The following XIAP variants were observed in gnomAD, a reference collection of about 807,000 sequenced individuals.
XIAP encodes X-linked inhibitor of apoptosis, also known as E3 ubiquitin-protein ligase XIAP.
A neutral mutation model predicts 33.1 loss-of-function variants in XIAP; 3 were observed. That is an observed-to-expected ratio of 0.09 (90% CI 0.04 to 0.23). The LOEUF (loss-of-function observed/expected upper bound fraction) is 0.23, where lower values mean the gene tolerates loss of function less well. Among genes scored for constraint, XIAP ranks in the 10% least tolerant of loss-of-function variants. The probability of loss-of-function intolerance (pLI) is 1.00; values close to 1 mark genes in which losing one functional copy is unlikely to be tolerated. For synonymous variants in XIAP, 98 were observed against 121.3 expected (o/e 0.81, Z 1.26); for missense variants, 264 against 363.0 (o/e 0.73, Z 2.22).
At chrX:123,862,186 A>G (rs2053086628) in intron 1 of XIAP, among the ~76,000 whole-genome samples, 1 of 104,013 alleles carries the variant, frequency 9.6e-6, no homozygotes, top group African/African-American at 3.6e-5. Context: ...CAAGCTACTC[A>G]GCCTCCCCAG....
intron 3 of XIAP, 30 bp from the exon 4 acceptor site, chrX:123,891,208 C>T (rs1373149296): frequency 1.3e-6 from 1 of 754,244 alleles, no homozygotes; most frequent in South Asian, 2.3e-5. Flanking sequence ...AATTTATCAG[C>T]TACTAAAGTT....
At position 123,886,465 on chromosome X, in the gene XIAP, G is replaced by A. The variant is rs1431863732; in HGVS notation, c.803G>A (p.Arg268Gln). ...CCATCCATGGCAGATTATGAAGCAC[G>A]GATCTTTACTTTTGGGACATGGATA... ...RNPSMADYEA[R>Q]IFTFGTWIYS... Residue 268 changes from arginine (R) to glutamine (Q), a missense_variant, in exon 2 of 7, where the codon CGG becomes CAG. Arg to Gln is a conservative substitution (Grantham distance 43). Transcript: ENST00000371199. 8.3e-7 allele frequency: 1 copy of A among 1,207,216 alleles called. No individual in the cohort carries two copies. The highest frequency in any genetic ancestry group is 1.1e-6 in the Non-Finnish European group (1 of 895,289).
chrX:123,903,405 C>T (rs6648555), intron 6 of XIAP, among the ~76,000 whole-genome samples: 2 of 108,637 alleles, frequency 1.8e-5, no homozygotes, highest in Non-Finnish European at 3.8e-5. Context: ...TCAGGCCGGT[C>T]TCCAACTTCC....
chrX:123,912,102 A>C lies in XIAP; in HGVS notation c.*4921A>C. 4 of 328,177 alleles carry C rather than the reference A, an allele frequency of 1.2e-5. No homozygotes were observed. Among genetic ancestry groups the C allele is most frequent in the Non-Finnish European group, 2.4e-5 (4 of 169,597 alleles). 27.0% of individuals were successfully genotyped at this position (328,177 alleles called of 1,213,427 possible). A position where few individuals can be genotyped will look rare whatever the true frequency, so the allele number is the denominator to read the frequency against. On this transcript the variant is annotated 3_prime_UTR_variant, in exon 7 of 7. Coordinates refer to ENST00000371199, the MANE Select transcript of XIAP (RefSeq NM_001167.4). Reference sequence around the variant, plus strand: ...TACCATAACTTTCACTACATATTAAATGACACTTTATAACTAATATAATAG... The same window carrying C: ...TACCATAACTTTCACTACATATTAACTGACACTTTATAACTAATATAATAG...
intron 1 of XIAP, among the ~76,000 whole-genome samples, chrX:123,863,091 A>G (rs1213377594): frequency 1.8e-5 from 2 of 110,938 alleles, no homozygotes; most frequent in African/African-American, 3.3e-5. Context: ...CCCTGTCTCA[A>G]ACAAAACAAA....
intron 1 of XIAP, among the ~76,000 whole-genome samples, chrX:123,861,419 C>T (rs1204695281): frequency 9.0e-6 from 1 of 110,932 alleles, no homozygotes; most frequent in Non-Finnish European, 1.9e-5. Context: ...TTATGGAGTA[C>T]TTGAGATTCC....
chrX:123,867,563 A>G (rs2053153652), intron 1 of XIAP, among the ~76,000 whole-genome samples: 1 of 106,620 alleles, frequency 9.4e-6, no homozygotes, highest in Non-Finnish European at 1.9e-5. Flanking sequence ...TAGTGGAGGC[A>G]TGGTTTCCCC....
intron 6 of XIAP, among the ~76,000 whole-genome samples, chrX:123,900,904 C>T (rs2053509468): frequency 8.9e-6 from 1 of 111,879 alleles, no homozygotes; most frequent in Non-Finnish European, 1.9e-5. Context: ...GTTTTGGAGG[C>T]TCCAAAATCA....
At position 123,892,597 on chromosome X, in the gene XIAP, T is replaced by G. The variant is rs760902579; in HGVS notation, c.1057-134T>G. ...CCTTCTAGCTCCATCAGGCTATGCCTCTTGTGAATATTCATATATTGAATT... is the reference window on the plus strand; with the variant it reads ...CCTTCTAGCTCCATCAGGCTATGCCGCTTGTGAATATTCATATATTGAATT... On this transcript the variant is annotated intron_variant, in intron 4 of 6. Coordinates refer to ENST00000371199, the MANE Select transcript of XIAP (RefSeq NM_001167.4). 1.2e-5 allele frequency: 6 copies of G among 505,679 alleles called. No homozygotes were observed. In the East Asian group the frequency reaches 2.3e-4, roughly 19 times the overall value. The allele number at this position is 505,679 out of a possible 1,213,427, so 41.7% of individuals were successfully genotyped here. A position where few individuals can be genotyped will look rare whatever the true frequency, so the allele number is the denominator to read the frequency against.
At chrX:123,900,396 A>T in intron 5 of XIAP, 97 bp from the exon 6 acceptor site, 1 of 792,954 alleles carries the variant, frequency 1.3e-6, no homozygotes, top group Non-Finnish European at 1.8e-6. Context: ...CTTGCTCCTT[A>T]ATTTTTTCAT....
intron 6 of XIAP, among the ~76,000 whole-genome samples, chrX:123,904,073 C>G (rs1444803878): frequency 8.9e-6 from 1 of 111,869 alleles, no homozygotes; most frequent in Non-Finnish European, 1.9e-5. Flanking sequence ...CTCTAGGTGT[C>G]AGTATTGTTG....
intron 4 of XIAP, among the ~76,000 whole-genome samples, chrX:123,891,671 A>T (rs767644042): frequency 9.1e-6 from 1 of 109,523 alleles, no homozygotes; most frequent in Non-Finnish European, 1.9e-5. Flanking sequence ...TTTAAAAACC[A>T]ATTAGCCAGA....
chrX:123,861,857 C>T (rs1602523754), intron 1 of XIAP, among the ~76,000 whole-genome samples: 1 of 111,528 alleles, frequency 9.0e-6, no homozygotes, highest in East Asian at 2.8e-4. Context: ...GTTTCGTTTT[C>T]TTGTATTGCT....
rs948497419 is a variant in XIAP at position 123,913,131 on chromosome X, G to A, written c.*5950G>A. 9.1e-6 allele frequency: 3 copies of A among 328,620 alleles called. No individual in the cohort carries two copies. The highest frequency in any genetic ancestry group is 1.2e-5 in the Non-Finnish European group (2 of 169,839). The allele number at this position is 328,620 out of a possible 1,213,427, so 27.1% of individuals were successfully genotyped here. A position where few individuals can be genotyped will look rare whatever the true frequency, so the allele number is the denominator to read the frequency against. On this transcript the variant is annotated 3_prime_UTR_variant, in exon 7 of 7. Transcript: ENST00000371199. Reference sequence around the variant, plus strand: ...AAGCGTCCTCAGGTCCTAGGGGGTCGTGAAACCAAAACCCCAGGGATAGCA... The same window carrying A: ...AAGCGTCCTCAGGTCCTAGGGGGTCATGAAACCAAAACCCCAGGGATAGCA...
In XIAP at chrX:123,885,715, A is replaced by G; in HGVS notation, c.53A>G (p.Asn18Ser). ...AAAACTTGTGTACCTGCAGACATCA[A>G]TAAGGAAGAAGAATTTGTAGAAGAG... is the stretch of plus-strand genomic sequence containing the variant. ...GSKTCVPADINKEEEFVEEFN... is the reference protein window; with the variant it reads ...GSKTCVPADISKEEEFVEEFN... The change falls in exon 2 of 7, where the codon AAT becomes AGT. Residue 18 changes from asparagine (N) to serine (S), a missense_variant. Physicochemically the swap from Asn to Ser is conservative, Grantham distance 46. Coordinates refer to ENST00000371199, the MANE Select transcript of XIAP (RefSeq NM_001167.4). 8.3e-7 allele frequency: 1 copy of G among 1,211,148 alleles called. No individual in the cohort carries two copies. The highest frequency in any genetic ancestry group is 1.1e-6 in the Non-Finnish European group (1 of 895,124).
rs1162236462 is a variant in XIAP, at chrX:123,912,984, T to C, written c.*5803T>C. The C allele has an allele frequency of 1.0e-5, 3 of 298,091 alleles. No individual in the cohort carries two copies. The highest frequency in any genetic ancestry group is 1.9e-5 in the Non-Finnish European group (3 of 155,779). The allele number at this position is 298,091 out of a possible 1,213,427, so 24.6% of individuals were successfully genotyped here. On this transcript the variant is annotated 3_prime_UTR_variant, in exon 7 of 7. Coordinates refer to ENST00000371199, the MANE Select transcript of XIAP (RefSeq NM_001167.4). ...TTTAGTAGTGACTGGTTTCGCGGTG[T>C]TGACCAGGCTGGTCTCGAACTCCTG...
chrX:123,907,379 A>AT lies in XIAP; in HGVS notation c.*206dup, dbSNP rs747141287. Reference sequence around the variant, plus strand: ...TTTCAGGGTATTAGCTGTATTATCCATTTTTTTTACTGTTATTTAATTGAA... The same window carrying AT: ...TTTCAGGGTATTAGCTGTATTATCCATTTTTTTTTACTGTTATTTAATTGAA... On this transcript the variant is annotated 3_prime_UTR_variant, in exon 7 of 7. Coordinates refer to ENST00000371199, the MANE Select transcript of XIAP (RefSeq NM_001167.4). 5.7e-5 allele frequency: 28 copies of AT among 491,540 alleles called. No homozygotes were observed. The highest frequency in any genetic ancestry group is 3.5e-4 in the South Asian group (13 of 37,047). The allele number at this position is 491,540 out of a possible 1,213,427, so 40.5% of individuals were successfully genotyped here.
chrX:123,866,507 T>TAA (rs1313386648), intron 1 of XIAP, among the ~76,000 whole-genome samples: 2 of 94,716 alleles, frequency 2.1e-5, no homozygotes, highest in Non-Finnish European at 4.2e-5. Flanking sequence ...ATATAATATA[T>TAA]GATATATCAT....
intron 1 of XIAP, chrX:123,860,576 A>G (rs1012177254): frequency 2.4e-5 from 6 of 250,042 alleles, no homozygotes; most frequent in South Asian, 1.9e-4. Context: ...TTTTAAAAAA[A>G]TATGATCAAA....
Sources: gnomAD v4.1 joint callset for allele counts (sites outside exome capture counted in the v4.1 genomes callset) on GRCh38, gnomAD v4.1.1 for gene constraint, MANE v1.5 for transcripts, NCBI Gene and HGNC (gene_info 2026-07-23, HGNC 2026-07-21) for gene names.